The following IFI16 variants were observed in gnomAD, a reference collection of about 807,000 sequenced individuals.
IFI16 encodes the protein interferon gamma inducible protein 16.
A neutral mutation model predicts 68.4 loss-of-function variants in IFI16; 49 were observed. The observed-to-expected ratio is 0.72, with a 90% CI of 0.57 to 0.91. The LOEUF (loss-of-function observed/expected upper bound fraction) is 0.91. IFI16 is among the 40% of genes least tolerant of loss of function. The probability of loss-of-function intolerance (pLI) is 0.00; values close to 1 mark genes in which losing one functional copy is unlikely to be tolerated. For missense variants in IFI16, 878 were observed against 942.9 expected, an observed-to-expected ratio of 0.93 and a Z score of 0.90; for synonymous variants, 307 against 315.0, an observed-to-expected ratio of 0.97 and a Z score of 0.27.
intron 9 of IFI16, among the ~76,000 whole-genome samples, chr1:159,049,986 G>C (rs1198604094): frequency 6.6e-6 from 1 of 152,022 alleles, no homozygotes; most frequent in Non-Finnish European, 1.5e-5. Flanking sequence ...TAAAAATTTA[G>C]GAAAGGAAGG....
Position 159,038,367 on chromosome 1 carries a change from C to T in IFI16, c.1329+5676C>T, listed in dbSNP as rs546157902. 6.6e-5 allele frequency among the ~76,000 whole-genome samples: 10 copies of T among 151,844 alleles called. No homozygotes were observed. The East Asian group carries it at 1.2e-3, about 18-fold the overall frequency. On this transcript the variant is annotated intron_variant, in intron 7 of 11. Coordinates refer to ENST00000295809, the MANE Select transcript of IFI16 (RefSeq NM_001376587.1). The stretch of plus-strand genomic sequence containing the variant: ...AGACCAGAGAAATATATTTTATAGA[C>T]GGGTCTCTATATATTGGAGATGGGT...
chr1:159,028,382 T>C (rs1259054572), intron 6 of IFI16, among the ~76,000 whole-genome samples: 1 of 152,158 alleles, frequency 6.6e-6, no homozygotes, highest in East Asian at 1.9e-4. Flanking sequence ...GAGTACTTGA[T>C]ATAATTTCAA....
At chr1:159,038,403 C>T (rs2101890346) in intron 7 of IFI16, among the ~76,000 whole-genome samples, 1 of 152,214 alleles carries the variant, frequency 6.6e-6, no homozygotes, top group East Asian at 1.9e-4. Context: ...CTCACTCTGT[C>T]ACCTAGGCTG....
upstream of IFI16, among the ~76,000 whole-genome samples, chr1:159,008,400 TC>T (rs1488260081): frequency 2.0e-5 from 3 of 152,218 alleles, no homozygotes; most frequent in Non-Finnish European, 2.9e-5. Context: ...TTTAAGCATT[TC>T]TTTGCTTCAT....
At chr1:159,024,016 A>G (rs538590377) in intron 6 of IFI16, among the ~76,000 whole-genome samples, 142 of 152,334 alleles carry the variant, frequency 9.3e-4, no homozygotes, top group African/African-American at 3.2e-3. Context: ...CCATATGTCC[A>G]TTTCTGGTCA....
At chr1:159,026,557 C>T (rs1571856914) in intron 6 of IFI16, among the ~76,000 whole-genome samples, 1 of 151,984 alleles carries the variant, frequency 6.6e-6, no homozygotes, top group African/African-American at 2.4e-5. Context: ...GCTTGGCCTC[C>T]CAAAGTGCTA....
At chr1:159,003,901 C>T (rs571493404), upstream of IFI16, among the ~76,000 whole-genome samples, 2 of 151,974 alleles carry the variant, frequency 1.3e-5, no homozygotes, top group South Asian at 4.2e-4. Context: ...ACCTTGTGAT[C>T]CGCCCGCCTC....
In IFI16 at chr1:159,018,456, C is replaced by G; in HGVS notation, c.777C>G (p.Ile259Met). 6.2e-7 allele frequency: 1 copy of G among 1,613,116 alleles called. No individual in the cohort carries two copies. The highest frequency in any genetic ancestry group is 8.5e-7 in the Non-Finnish European group (1 of 1,179,088). Residue 259 changes from isoleucine (I) to methionine (M), a missense_variant, in exon 5 of 12, where the codon ATC becomes ATG. By Grantham distance (10) the Ile-to-Met change is conservative. Around this residue, in one of 4 missense-constraint regions of IFI16, gnomAD observed 443 missense variants for 421.8 expected, o/e 1.05. Coordinates refer to ENST00000295809, the MANE Select transcript of IFI16 (RefSeq NM_001376587.1). Reference protein sequence around the residue: ...LKEKFNGKKIIIISDYLEYDS... With the variant: ...LKEKFNGKKIMIISDYLEYDS... ...AGAAATTCAATGGAAAGAAAATCAT[C>G]ATCATATCAGATTATTTGGAATATG...
chr1:159,020,584 AGTTTTGGC>A, intron 6 of IFI16, 55 bp downstream of exon 6: 1 of 1,385,644 alleles, frequency 7.2e-7, no homozygotes, highest in South Asian at 1.3e-5. Context: ...ATTTGCTTTA[AGTTTTGGC>A]AAAAACAAGT....
intron 6 of IFI16, among the ~76,000 whole-genome samples, chr1:159,027,016 C>T (rs536103319): frequency 6.6e-6 from 1 of 152,184 alleles, no homozygotes; most frequent in African/African-American, 2.4e-5. Flanking sequence ...TTTGGATTTC[C>T]TTTATTTCTT....
In IFI16 at chr1:159,029,247, T is replaced by C. The variant is rs192008893; in HGVS notation, c.1162-3277T>C. Among the ~76,000 whole-genome samples the C allele has an allele frequency of 3.3e-5, 5 of 152,344 alleles. No individual in the cohort carries two copies. The East Asian group carries it at 9.6e-4, about 29-fold the overall frequency. On this transcript the variant is annotated intron_variant, in intron 6 of 11. Coordinates refer to ENST00000295809, the MANE Select transcript of IFI16 (RefSeq NM_001376587.1). ...TGAAAGAGACTTGATCTTTCATTTA[T>C]GAAGCTTAGTTCACTGGATACACAT...
chr1:159,031,020 G>A (rs1266947251), intron 6 of IFI16, among the ~76,000 whole-genome samples: 5 of 152,090 alleles, frequency 3.3e-5, no homozygotes, highest in Admixed American at 6.5e-5. Flanking sequence ...TGCTGCTGTG[G>A]GGGATGGGGT....
chr1:159,031,961 GA>G (rs1025249856), intron 6 of IFI16, among the ~76,000 whole-genome samples: 3 of 152,222 alleles, frequency 2.0e-5, no homozygotes, highest in African/African-American at 7.2e-5. Flanking sequence ...CTGATATTGG[GA>G]AAAATAGCTT....
chr1:159,023,595 T>A (rs1303829592), intron 6 of IFI16, among the ~76,000 whole-genome samples: 1 of 152,104 alleles, frequency 6.6e-6, no homozygotes, highest in African/African-American at 2.4e-5. Context: ...TCATGAGGAG[T>A]TTCCTTTGGC....
intron 9 of IFI16, among the ~76,000 whole-genome samples, chr1:159,050,150 C>T (rs1050956386): frequency 6.6e-6 from 1 of 152,046 alleles, no homozygotes. Context: ...TTTCCATAAC[C>T]CATGTTTTTT....
chr1:159,016,468 A>C, intron 3 of IFI16, 65 bp from the exon 4 acceptor site: 1 of 1,403,780 alleles, frequency 7.1e-7, no homozygotes, highest in Non-Finnish European at 9.7e-7. Flanking sequence ...CTATCCAATA[A>C]TGAAAATGTG....
chr1:159,010,423 A>T (rs146748131), intron 1 of IFI16, among the ~76,000 whole-genome samples: 1,665 of 152,294 alleles, frequency 0.011, 24 homozygotes, highest in South Asian at 0.027. Context: ...AAAATTAATT[A>T]TCCGAGTGTA....
chr1:159,004,596 T>A (rs1652184035), upstream of IFI16, among the ~76,000 whole-genome samples: 1 of 152,202 alleles, frequency 6.6e-6, no homozygotes. Context: ...TTCTGGCTAC[T>A]TAGGAGGCTG....
At chr1:159,032,780 C>A in intron 7 of IFI16, 89 bp downstream of exon 7, 1 of 996,342 alleles carries the variant, frequency 1.0e-6, no homozygotes, top group Non-Finnish European at 1.4e-6. Flanking sequence ...GCTGTAATCT[C>A]TGTGAATGGA....
Sources: gnomAD v4.1 joint callset for allele counts (sites outside exome capture counted in the v4.1 genomes callset) on GRCh38, gnomAD v4.1.1 for gene constraint, gnomAD v4.1.1 regional missense constraint, MANE v1.5 for transcripts, NCBI Gene and HGNC (gene_info 2026-07-23, HGNC 2026-07-21) for gene names.